FMN2: variants seen among roughly 807,000 people sequenced by gnomAD.
FMN2 encodes formin 2.
Under a neutral mutation model 142.3 loss-of-function variants are expected in FMN2, and 51 were observed. The ratio of observed to expected loss-of-function variants is 0.36; its 90% CI spans 0.29 to 0.45. The LOEUF (loss-of-function observed/expected upper bound fraction) is 0.45. Among genes scored for constraint, FMN2 ranks in the 20% least tolerant of loss-of-function variants. The pLI is 1.00. For synonymous variants in FMN2, 882 were observed against 869.8 expected, an observed-to-expected ratio of 1.01 and a Z score of -0.25; for missense variants, 1,936 against 2,122.8, an observed-to-expected ratio of 0.91 and a Z score of 1.73.
At chr1:240,184,476 G>T (rs1417432670) in intron 3 of FMN2, among the ~76,000 whole-genome samples, 2 of 148,854 alleles carry the variant, frequency 1.3e-5, no homozygotes, top group African/African-American at 2.5e-5. Context: ...TCGGCCTCCC[G>T]AAGTGCTGGG....
intron 16 of FMN2, among the ~76,000 whole-genome samples, chr1:240,444,272 C>A (rs542032449): frequency 6.6e-6 from 1 of 152,264 alleles, no homozygotes; most frequent in African/African-American, 2.4e-5. Flanking sequence ...GTGTATCATG[C>A]AGTGGGAGGA....
intron 4 of FMN2, among the ~76,000 whole-genome samples, chr1:240,199,493 T>G (rs1558354937): frequency 6.6e-6 from 1 of 152,240 alleles, no homozygotes; most frequent in South Asian, 2.1e-4. Context: ...TTTCTTTTTC[T>G]GGGAATCAGA....
chr1:240,464,689 T>C (rs1676556069), intron 16 of FMN2, among the ~76,000 whole-genome samples: 1 of 152,082 alleles, frequency 6.6e-6, no homozygotes, highest in African/African-American at 2.4e-5. Flanking sequence ...AAGGCATCCG[T>C]GCTGGCCCCG....
chr1:240,122,677 G>A (rs902651509), intron 1 of FMN2, among the ~76,000 whole-genome samples: 4 of 152,154 alleles, frequency 2.6e-5, no homozygotes, highest in Non-Finnish European at 5.9e-5. Context: ...AGCTACTTGG[G>A]AGGCTGAGGC....
intron 7 of FMN2, among the ~76,000 whole-genome samples, chr1:240,274,571 A>G (rs6694063): frequency 0.079 from 12,017 of 152,106 alleles, 517 homozygotes; most frequent in East Asian, 0.1. Flanking sequence ...AAATACTAAC[A>G]GAGGGTTTAG....
intron 1 of FMN2, among the ~76,000 whole-genome samples, chr1:240,110,811 C>T (rs1183358264): frequency 1.3e-5 from 2 of 151,824 alleles, no homozygotes; most frequent in Non-Finnish European, 2.9e-5. Context: ...ATATGCAAGC[C>T]CTTTTTTTTA....
At chr1:240,143,055 G>A (rs1361492219) in intron 2 of FMN2, 11 of 1,497,328 alleles carry the variant, frequency 7.3e-6, no homozygotes, top group Non-Finnish European at 9.3e-6. Flanking sequence ...ACTGTGGTAG[G>A]GGCAGAGGGT....
chr1:240,232,456 A>G (rs114836771), intron 6 of FMN2, among the ~76,000 whole-genome samples: 1 of 152,060 alleles, frequency 6.6e-6, no homozygotes, highest in Non-Finnish European at 1.5e-5. Context: ...TATCTTTTTC[A>G]TACACGTATA....
chr1:240,127,991 A>G (rs1662583429), intron 2 of FMN2, among the ~76,000 whole-genome samples: 1 of 152,174 alleles, frequency 6.6e-6, no homozygotes, highest in Non-Finnish European at 1.5e-5. Flanking sequence ...CGACAAGAGA[A>G]CACAAGGAAA....
intron 2 of FMN2, among the ~76,000 whole-genome samples, chr1:240,129,981 A>G (rs1168294493): frequency 6.6e-6 from 1 of 152,038 alleles, no homozygotes; most frequent in Non-Finnish European, 1.5e-5. Flanking sequence ...ATATTGTTTC[A>G]TCAAATTCAG....
chr1:240,317,745 T>C (rs929257603), intron 8 of FMN2, among the ~76,000 whole-genome samples: 1 of 152,162 alleles, frequency 6.6e-6, no homozygotes, highest in Non-Finnish European at 1.5e-5. Flanking sequence ...TTAAGTTTTC[T>C]TTTTTTGTGT....
At chr1:240,137,566 A>G (rs1021945932) in intron 2 of FMN2, among the ~76,000 whole-genome samples, 80 of 152,190 alleles carry the variant, frequency 5.3e-4, no homozygotes, top group African/African-American at 1.9e-3. Flanking sequence ...GTCTCTTACC[A>G]TGTGTGCTCA....
chr1:240,407,847 T>C (rs1308507565), intron 15 of FMN2, among the ~76,000 whole-genome samples: 1 of 152,198 alleles, frequency 6.6e-6, no homozygotes, highest in Non-Finnish European at 1.5e-5. Flanking sequence ...AATGTTAGCA[T>C]ATTTGCAATG....
At chr1:240,395,098 A>G (rs1449066419) in intron 15 of FMN2, among the ~76,000 whole-genome samples, 1 of 152,212 alleles carries the variant, frequency 6.6e-6, no homozygotes, top group Non-Finnish European at 1.5e-5. Context: ...TGAAAATGCT[A>G]GGGCCCATAG....
At chr1:240,318,630 T>C (rs1250004646) in intron 8 of FMN2, among the ~76,000 whole-genome samples, 2 of 152,212 alleles carry the variant, frequency 1.3e-5, no homozygotes. Context: ...CTAAAAATAA[T>C]TGTTAATCAG....
At chr1:240,198,767 A>C (rs1461820234) in intron 4 of FMN2, among the ~76,000 whole-genome samples, 1 of 152,178 alleles carries the variant, frequency 6.6e-6, no homozygotes, top group African/African-American at 2.4e-5. Flanking sequence ...AACATATTAT[A>C]AACTGGAATG....
rs1049876168 is a variant in FMN2 at position 240,252,642 on chromosome 1, G to C, written c.4066-5303G>C. ...AATCAGCTGTTATTCTGACGGGGGGGGTGGTTCTCTTATAAGTGACTAGAT... is the reference window on the plus strand; with the variant it reads ...AATCAGCTGTTATTCTGACGGGGGGCGTGGTTCTCTTATAAGTGACTAGAT... On this transcript the variant is annotated intron_variant, in intron 6 of 17. Transcript: ENST00000319653. Among the ~76,000 whole-genome samples the C allele has an allele frequency of 2.6e-5, 4 of 150,964 alleles. No homozygotes were observed. The East Asian group carries it at 7.8e-4, about 30-fold the overall frequency.
At chr1:240,407,448 C>T (rs1402163857) in intron 15 of FMN2, among the ~76,000 whole-genome samples, 3 of 152,062 alleles carry the variant, frequency 2.0e-5, no homozygotes, top group South Asian at 2.1e-4. Context: ...CACAGCTACA[C>T]TTTTCTTGCA....
intron 2 of FMN2, among the ~76,000 whole-genome samples, chr1:240,174,072 C>G (rs1205941051): frequency 6.6e-6 from 1 of 152,128 alleles, no homozygotes; most frequent in Non-Finnish European, 1.5e-5. Context: ...CACCAACTCC[C>G]AGAGGAGCTG....
Sources: gnomAD v4.1 joint callset for allele counts (sites outside exome capture counted in the v4.1 genomes callset) on GRCh38, gnomAD v4.1.1 for gene constraint, MANE v1.5 for transcripts, NCBI Gene and HGNC (gene_info 2026-07-23, HGNC 2026-07-21) for gene names.